Variants in XKR6 observed in about 807,000 individuals in gnomAD.
XKR6 encodes XK related 6, also known as XK-related protein 6.
Under a neutral mutation model 56.7 loss-of-function variants are expected in XKR6, and 22 were observed. The observed-to-expected ratio is 0.39, with a 90% CI of 0.28 to 0.55. The LOEUF is 0.55. Ranked by LOEUF, XKR6 falls within the 20% of genes least tolerant of loss-of-function variation. The probability of loss-of-function intolerance (pLI) is 0.66; values close to 1 mark genes in which losing one functional copy is unlikely to be tolerated. For synonymous variants in XKR6, 524 were observed against 387.8 expected, an observed-to-expected ratio of 1.35 and a Z score of -4.13; for missense variants, 852 against 889.0, an observed-to-expected ratio of 0.96 and a Z score of 0.53.
At chr8:10,905,001 A>C (rs1428730241) in intron 2 of XKR6, among the ~76,000 whole-genome samples, 1 of 152,164 alleles carries the variant, frequency 6.6e-6, no homozygotes, top group Non-Finnish European at 1.5e-5. Context: ...CAGAAGTGGA[A>C]AGAGTCAGCT....
intron 1 of XKR6, among the ~76,000 whole-genome samples, chr8:11,029,416 G>C (rs1312397327): frequency 1.3e-5 from 2 of 152,130 alleles, no homozygotes; most frequent in Non-Finnish European, 2.9e-5. Context: ...GGGTCTTTGG[G>C]GGTGATTAGG....
chr8:11,092,366 T>C (rs1278280810), intron 1 of XKR6, among the ~76,000 whole-genome samples: 2 of 152,226 alleles, frequency 1.3e-5, no homozygotes, highest in Non-Finnish European at 2.9e-5. Flanking sequence ...TATGGTACTT[T>C]TTATTTTACT....
At chr8:11,069,148 C>G (rs1182495743) in intron 1 of XKR6, among the ~76,000 whole-genome samples, 4 of 152,106 alleles carry the variant, frequency 2.6e-5, no homozygotes, top group African/African-American at 9.7e-5. Context: ...AGAAACATGG[C>G]CCTAGGATCC....
chr8:11,151,374 C>G (rs1333703149), intron 1 of XKR6, among the ~76,000 whole-genome samples: 1 of 152,134 alleles, frequency 6.6e-6, no homozygotes, highest in Non-Finnish European at 1.5e-5. Flanking sequence ...TTTACATTTA[C>G]TTTGGAAAAG....
chr8:11,141,483 C>T (rs958655606), intron 1 of XKR6, among the ~76,000 whole-genome samples: 1 of 152,180 alleles, frequency 6.6e-6, no homozygotes, highest in African/African-American at 2.4e-5. Flanking sequence ...GAAAATAGAG[C>T]TGTAATACAT....
At chr8:11,083,190 A>G (rs1797784227) in intron 1 of XKR6, among the ~76,000 whole-genome samples, 1 of 152,164 alleles carries the variant, frequency 6.6e-6, no homozygotes, top group Non-Finnish European at 1.5e-5. Flanking sequence ...TCCTCTGCAC[A>G]CTGCCATTAT....
chr8:11,016,324 C>A (rs1354003588), intron 1 of XKR6, among the ~76,000 whole-genome samples: 1 of 152,190 alleles, frequency 6.6e-6, no homozygotes, highest in South Asian at 2.1e-4. Flanking sequence ...GGCAGCGCGA[C>A]GGCTGCGGGC....
intron 1 of XKR6, among the ~76,000 whole-genome samples, chr8:11,025,861 C>T (rs1798849052): frequency 1.3e-5 from 2 of 152,106 alleles, no homozygotes. Flanking sequence ...TGGCAGCCAC[C>T]AGGCACACGT....
At chr8:11,079,655 G>A (rs550451232) in intron 1 of XKR6, among the ~76,000 whole-genome samples, 3 of 152,326 alleles carry the variant, frequency 2.0e-5, no homozygotes, top group South Asian at 2.1e-4. Flanking sequence ...ACCAGGTAAC[G>A]TTGTTGTGAT....
intron 2 of XKR6, among the ~76,000 whole-genome samples, chr8:10,920,953 CACAAAA>C (rs573815887): frequency 1.5e-3 from 221 of 152,362 alleles, no homozygotes; most frequent in African/African-American, 5.1e-3. Flanking sequence ...CAGTTTCTAG[CACAAAA>C]ACAGGGGATT....
chr8:11,104,998 T>C (rs968192854), intron 1 of XKR6: 1 of 152,122 alleles, frequency 6.6e-6, no homozygotes, highest in Admixed American at 6.5e-5. Context: ...CTCTACCACA[T>C]TCGGTTTTTA....
At chr8:10,971,389 C>G (rs1317807302) in intron 1 of XKR6, among the ~76,000 whole-genome samples, 2 of 151,862 alleles carry the variant, frequency 1.3e-5, no homozygotes, top group East Asian at 1.9e-4. Context: ...CCACTGCACT[C>G]CAGCCTGGGT....
intron 1 of XKR6, among the ~76,000 whole-genome samples, chr8:11,113,564 T>C (rs961045581): frequency 2.0e-5 from 3 of 152,186 alleles, no homozygotes; most frequent in Admixed American, 2.0e-4. Context: ...TTACAATTCT[T>C]TAACATAGAA....
intron 1 of XKR6, among the ~76,000 whole-genome samples, chr8:11,140,445 T>C (rs926661205): frequency 6.6e-6 from 1 of 152,156 alleles, no homozygotes; most frequent in African/African-American, 2.4e-5. Context: ...TCACTGCACA[T>C]TTCCAGCAAC....
chr8:11,083,819 G>C (rs891375410), intron 1 of XKR6, among the ~76,000 whole-genome samples: 3 of 152,080 alleles, frequency 2.0e-5, no homozygotes, highest in Non-Finnish European at 4.4e-5. Context: ...TATTAAGAAA[G>C]AGAACATGGA....
chr8:10,924,895 G>T, intron 1 of XKR6, 65 bp from the exon 2 acceptor site: 4 of 1,519,940 alleles, frequency 2.6e-6, no homozygotes, highest in Non-Finnish European at 2.7e-6. Flanking sequence ...GAGGACCCTT[G>T]CCATCCCCCT....
intron 1 of XKR6, among the ~76,000 whole-genome samples, chr8:10,932,437 T>TA (rs1554511386): frequency 2.0e-5 from 3 of 150,756 alleles, no homozygotes; most frequent in Non-Finnish European, 4.4e-5. Flanking sequence ...TTTTTTTTTT[T>TA]ATTATACTTT....
In XKR6 at chr8:11,201,426, C is replaced by T. The variant is rs1804239798; in HGVS notation, c.-87G>A. The stretch of plus-strand genomic sequence containing the variant: ...GGCAGGGAACGGGGAGGGGGGGAAA[C>T]GAATGGAGAGGAAGGGGGGCGGGGA... On this transcript the variant is annotated 5_prime_UTR_variant, in exon 1 of 3. Transcript: ENST00000416569. 1 of 494,794 alleles carries T rather than the reference C, an allele frequency of 2.0e-6. No individual in the cohort carries two copies. The allele number at this position is 494,794 out of a possible 1,614,324, so 30.7% of individuals were successfully genotyped here.
intron 1 of XKR6, among the ~76,000 whole-genome samples, chr8:11,193,476 A>T (rs1395215332): frequency 6.6e-6 from 1 of 152,236 alleles, no homozygotes; most frequent in African/African-American, 2.4e-5. Context: ...TTTATGTAGA[A>T]CTATATTAAT....
Sources: gnomAD v4.1 joint callset for allele counts (sites outside exome capture counted in the v4.1 genomes callset) on GRCh38, gnomAD v4.1.1 for gene constraint, MANE v1.5 for transcripts, NCBI Gene and HGNC (gene_info 2026-07-23, HGNC 2026-07-21) for gene names.